Variants in DSC1 observed in about 807,000 individuals in gnomAD.
DSC1 encodes desmocollin 1.
In DSC1, 79 loss-of-function variants were observed where a neutral mutation model predicts 98.8. That is an observed-to-expected ratio of 0.80 (90% CI 0.67 to 0.96). The LOEUF (loss-of-function observed/expected upper bound fraction) is 0.96, where lower values mean the gene tolerates loss of function less well. Ranked by LOEUF, DSC1 falls within the 50% of genes least tolerant of loss-of-function variation. The pLI is 0.00. For synonymous variants in DSC1, 405 were observed against 372.1 expected (o/e 1.09, Z -1.02); for missense variants, 1,115 against 1,075.9 (o/e 1.04, Z -0.51).
At chr18:31,135,055 A>G (rs1312619669) in intron 11 of DSC1, among the ~76,000 whole-genome samples, 1 of 152,176 alleles carries the variant, frequency 6.6e-6, no homozygotes, top group East Asian at 1.9e-4. Context: ...TGACCTGTTG[A>G]AAATAAAACA....
At chr18:31,146,330 CAT>C (rs1165448655) in intron 6 of DSC1, among the ~76,000 whole-genome samples, 4 of 152,092 alleles carry the variant, frequency 2.6e-5, no homozygotes, top group Non-Finnish European at 2.9e-5. Context: ...TAAGTGATAA[CAT>C]GTGGTATTTA....
chr18:31,131,954 T>A, intron 14 of DSC1, 112 bp from the exon 15 acceptor site: 1 of 1,246,278 alleles, frequency 8.0e-7, no homozygotes. Context: ...TCTCTGTTCC[T>A]CATACATAAA....
intron 6 of DSC1, among the ~76,000 whole-genome samples, chr18:31,146,836 C>A (rs1480296964): frequency 2.0e-5 from 3 of 152,124 alleles, no homozygotes; most frequent in African/African-American, 7.2e-5. Context: ...ATATTTTATG[C>A]TTTGTACTTT....
At chr18:31,157,048 G>A (rs184196575) in intron 3 of DSC1, among the ~76,000 whole-genome samples, 6 of 152,168 alleles carry the variant, frequency 3.9e-5, no homozygotes, top group African/African-American at 7.2e-5. Flanking sequence ...ATCACATTTC[G>A]CTGAGTTTTA....
intron 12 of DSC1, 46 bp from the exon 13 acceptor site, chr18:31,134,176 G>T: frequency 1.3e-6 from 2 of 1,581,382 alleles, no homozygotes; most frequent in South Asian, 2.3e-5. Context: ...CTGTTTAGAT[G>T]GCAGTATTAT....
intron 11 of DSC1, among the ~76,000 whole-genome samples, chr18:31,137,982 TGTGTGTGTGTGTGTGTGTGTGTGTGTGG>T (rs1567997617): frequency 6.6e-6 from 1 of 151,436 alleles, no homozygotes; most frequent in Admixed American, 6.6e-5. Flanking sequence ...TGTGTGTGTG[TGTGTGTGTGTGTGTGTGTGTGTGTGTGG>T]ATTAAAGTTC....
At chr18:31,146,172 A>G (rs1332713269) in intron 6 of DSC1, among the ~76,000 whole-genome samples, 1 of 152,120 alleles carries the variant, frequency 6.6e-6, no homozygotes, top group East Asian at 1.9e-4. Context: ...TGGGCTTCTA[A>G]TGATCCCACC....
Position 31,134,665 on chromosome 18 carries a change from G to A in DSC1, c.1783C>T (p.Pro595Ser). The A allele has an allele frequency of 6.2e-7, 1 of 1,613,012 alleles. No homozygotes were observed. Among genetic ancestry groups the A allele is most frequent in the Non-Finnish European group, 8.5e-7 (1 of 1,179,506 alleles). The change falls in exon 12 of 16, where the codon CCT (proline) becomes TCT (serine). Residue 595 changes from proline to serine, a missense_variant. Coordinates refer to ENST00000257198, the MANE Select transcript of DSC1 (RefSeq NM_024421.2). ...TTTTCAGGTCCATCTGGATCTACAG[G>A]TTTCAGAACAGCAAAATCCTCATTA... ...QNNEDFAVLK[P>S]VDPDGPENGP...
chr18:31,157,236 T>C, intron 3 of DSC1, 135 bp downstream of exon 3: 2 of 929,734 alleles, frequency 2.2e-6, no homozygotes, highest in Admixed American at 2.8e-5. Context: ...TTATTTACAC[T>C]AATTGTAAGT....
In DSC1 at chr18:31,148,497, C is replaced by A; in HGVS notation, c.772+1G>T. 1 of 1,593,334 alleles carries A rather than the reference C, an allele frequency of 6.3e-7. No homozygotes were observed. Among genetic ancestry groups the A allele is most frequent in the Non-Finnish European group, 8.6e-7 (1 of 1,165,326 alleles). ...CATGCTACAATAAAATGTGAACTTA[C>A]CGGATCGGCAATTTTCAGGCACAGT... On this transcript the variant is annotated splice_donor_variant, in intron 6 of 15. Transcript: ENST00000257198. LOFTEE classifies it high-confidence loss of function.
rs892033727 is a variant in DSC1 at position 31,148,534 on chromosome 18, C to T, written c.736G>A (p.Val246Met). The change falls in exon 6 of 16, where the codon GTG becomes ATG. Residue 246 changes from valine (V) to methionine (M), a missense_variant. Val to Met is a conservative substitution (Grantham distance 21). Transcript: ENST00000257198. ...NDNAPYFEHR[V>M]TIFTVPENCR... ...TTTTCAGGCACAGTAAAGATAGTCACTCTGTGTTCAAAATATGGGGCGTTA... is the reference window on the plus strand; with the variant it reads ...TTTTCAGGCACAGTAAAGATAGTCATTCTGTGTTCAAAATATGGGGCGTTA... The T allele has an allele frequency of 6.2e-6, 10 of 1,610,760 alleles. No individual in the cohort carries two copies. The highest frequency in any genetic ancestry group is 1.7e-5 in the Admixed American group (1 of 59,962).
intron 9 of DSC1, among the ~76,000 whole-genome samples, chr18:31,141,528 G>T (rs1439216664): frequency 6.6e-6 from 1 of 152,146 alleles, no homozygotes; most frequent in Non-Finnish European, 1.5e-5. Context: ...AATATAGGGG[G>T]ATTAATGGGA....
Position 31,139,767 on chromosome 18 carries a change from T to C in DSC1, c.1644A>G (p.Ser548=). 1 of 1,603,520 alleles carries C rather than the reference T, an allele frequency of 6.2e-7. No individual in the cohort carries two copies. Among genetic ancestry groups the C allele is most frequent in the Non-Finnish European group, 8.5e-7 (1 of 1,176,402 alleles). The change falls in exon 11 of 16, where the codon TCA becomes TCG. Residue 548 remains serine (S), a synonymous_variant. Transcript: ENST00000257198. Reference sequence around the variant, plus strand: ...ACTCACCTGCATCCACTGCAACAACTGAAATATTGTATTGGTTGTTTTTTA... The same window carrying C: ...ACTCACCTGCATCCACTGCAACAACCGAAATATTGTATTGGTTGTTTTTTA... ...KFVKNNQYNI[S]VVAVDAVGRS...
chr18:31,147,775 C>A (rs1988876682), intron 6 of DSC1, among the ~76,000 whole-genome samples: 6 of 151,940 alleles, frequency 3.9e-5, no homozygotes, highest in Admixed American at 3.3e-4. Context: ...ACATAGCCTA[C>A]AAAAGTCAAA....
Position 31,151,173 on chromosome 18 carries a change from A to G in DSC1, c.628-2531T>C, listed in dbSNP as rs576866230. On this transcript the variant is annotated intron_variant, in intron 5 of 15. Transcript: ENST00000257198. Reference sequence around the variant, plus strand: ...ATATGCTCATTTGTAATTTGAAATAATATTTTTGTTATTTGACTACAAGTA... The same window carrying G: ...ATATGCTCATTTGTAATTTGAAATAGTATTTTTGTTATTTGACTACAAGTA... Among the ~76,000 whole-genome samples, 5 of 152,342 alleles carry G rather than the reference A, an allele frequency of 3.3e-5. No individual in the cohort carries two copies. In the South Asian group the frequency reaches 1.0e-3, roughly 32 times the overall value.
intron 1 of DSC1, among the ~76,000 whole-genome samples, chr18:31,161,987 A>C (rs17800369): frequency 0.058 from 8,762 of 152,276 alleles, 382 homozygotes; most frequent in South Asian, 0.12. Context: ...AAAGCTATTA[A>C]AAACCCAAGT....
intron 7 of DSC1, among the ~76,000 whole-genome samples, chr18:31,144,896 G>A (rs1988809163): frequency 6.6e-6 from 1 of 151,932 alleles, no homozygotes; most frequent in Admixed American, 6.6e-5. Context: ...TGTGTTGGGA[G>A]GGATAGGGAG....
Position 31,162,565 on chromosome 18 carries a change from G to A in DSC1, c.30C>T (p.Ser10=). 6.2e-7 allele frequency: 1 copy of A among 1,614,184 alleles called. No homozygotes were observed. Among genetic ancestry groups the A allele is most frequent in the Non-Finnish European group, 8.5e-7 (1 of 1,180,036 alleles). The change falls in exon 1 of 16, where the codon AGC becomes AGT. Residue 10 remains serine (S), a synonymous_variant. Transcript: ENST00000257198. MALASAAPG[S]IFCKQLLFSL... Reference sequence around the variant, plus strand: ...AGAAAAGGAGCTGCTTACAGAAGATGCTCCCTGGGGCAGCAGAGGCCAGAG... The same window carrying A: ...AGAAAAGGAGCTGCTTACAGAAGATACTCCCTGGGGCAGCAGAGGCCAGAG...
At chr18:31,159,220 AT>A (rs1379681970) in intron 2 of DSC1, among the ~76,000 whole-genome samples, 1 of 134,336 alleles carries the variant, frequency 7.4e-6, no homozygotes, top group Non-Finnish European at 1.6e-5. Flanking sequence ...CGCCCGGCTA[AT>A]TTTTTGTATT....
Sources: gnomAD v4.1 joint callset for allele counts (sites outside exome capture counted in the v4.1 genomes callset) on GRCh38, gnomAD v4.1.1 for gene constraint, MANE v1.5 for transcripts, NCBI Gene and HGNC (gene_info 2026-07-23, HGNC 2026-07-21) for gene names.